DMRT3: variants seen among roughly 807,000 people sequenced by gnomAD.
The protein encoded by DMRT3 is doublesex and mab-3 related transcription factor 3.
In DMRT3, 29 loss-of-function variants were observed where a neutral mutation model predicts 34.9. The observed-to-expected ratio is 0.83, with a 90% CI of 0.62 to 1.13. The LOEUF (loss-of-function observed/expected upper bound fraction) is 1.13, where lower values mean the gene tolerates loss of function less well. DMRT3 is among the 50% of genes most tolerant of loss of function. The pLI is 0.00. For synonymous variants in DMRT3, 350 were observed against 286.0 expected (o/e 1.22, Z -2.26); for missense variants, 772 against 629.1 (o/e 1.23, Z -2.43).
intron 1 of DMRT3, among the ~76,000 whole-genome samples, chr9:981,418 C>G (rs565465110): frequency 2.6e-5 from 4 of 152,174 alleles, no homozygotes; most frequent in Admixed American, 1.3e-4. Flanking sequence ...TGAAGTGTAC[C>G]TGTGAATTGA....
chr9:985,328 C>T (rs566646564), intron 1 of DMRT3, among the ~76,000 whole-genome samples: 1 of 152,172 alleles, frequency 6.6e-6, no homozygotes, highest in Non-Finnish European at 1.5e-5. Flanking sequence ...TTGATATACA[C>T]TCTTAATGTT....
chr9:990,164 A>G lies in DMRT3; in HGVS notation c.578A>G (p.Glu193Gly), dbSNP rs1487345572. 6.2e-7 allele frequency: 1 copy of G among 1,614,010 alleles called. No individual in the cohort carries two copies. The highest frequency in any genetic ancestry group is 8.5e-7 in the Non-Finnish European group (1 of 1,180,038). Residue 193 changes from glutamate (E) to glycine (G), a missense_variant, in exon 2 of 2, where the codon GAG (glutamate) becomes GGG (glycine). Transcript: ENST00000190165. The part of the protein sequence containing the change: ...VAKSKGCFTP[E>G]SPEIVSVEEG... ...AAGAGTAAGGGCTGCTTCACCCCTG[A>G]GAGCCCTGAGATAGTGTCCGTGGAG...
chr9:986,775 C>T (rs950881774), intron 1 of DMRT3, among the ~76,000 whole-genome samples: 8 of 151,522 alleles, frequency 5.3e-5, no homozygotes, highest in African/African-American at 1.9e-4. Flanking sequence ...CCTGTAGTCC[C>T]AGCTATTCGG....
Position 976,932 on chromosome 9 carries a change from A to G in DMRT3, c.-70A>G. 7.3e-6 allele frequency: 10 copies of G among 1,371,802 alleles called. No homozygotes were observed. Among genetic ancestry groups the G allele is most frequent in the Non-Finnish European group, 9.4e-6 (10 of 1,059,468 alleles). The allele number at this position is 1,371,802 out of a possible 1,614,324, so 85.0% of individuals were successfully genotyped here. A position where few individuals can be genotyped will look rare whatever the true frequency, so the allele number is the denominator to read the frequency against. ...GAGGCCGCCCCTGAGCGGGCCTCGC[A>G]GCCCCGCCGTCCAGCGCTCCCTGGC... On this transcript the variant is annotated 5_prime_UTR_variant, in exon 1 of 2. Coordinates refer to ENST00000190165, the MANE Select transcript of DMRT3 (RefSeq NM_021240.4). This position sits in a 1 kb window ranked among gnomAD's most constrained non-coding sequence, Gnocchi z 4.5.
rs1030661193 is a variant in DMRT3, at chr9:976,818, A to C, written c.-184A>C. On this transcript the variant is annotated 5_prime_UTR_variant, in exon 1 of 2. Coordinates refer to ENST00000190165, the MANE Select transcript of DMRT3 (RefSeq NM_021240.4). This position sits in a 1 kb window ranked among gnomAD's most constrained non-coding sequence, Gnocchi z 4.5. ...CTGGGAGGCCGAGCTGTGAGCGCGA[A>C]GGGAGCTGGAGAGACGACTGCGGCA... The C allele has an allele frequency of 8.3e-6, 4 of 480,880 alleles. No homozygotes were observed. The highest frequency in any genetic ancestry group is 1.3e-5 in the Non-Finnish European group (4 of 300,466). 29.8% of individuals were successfully genotyped at this position (480,880 alleles called of 1,614,324 possible).
intron 1 of DMRT3, among the ~76,000 whole-genome samples, chr9:978,270 G>C (rs1205467521): frequency 6.6e-6 from 1 of 152,128 alleles, no homozygotes; most frequent in Non-Finnish European, 1.5e-5. Context: ...TTTCCATCCA[G>C]GCCTCCTGAG....
chr9:977,100 C>T lies in DMRT3; in HGVS notation c.99C>T (p.Arg33=), dbSNP rs904673608. Residue 33 remains arginine, a synonymous_variant, in exon 1 of 2, where the codon CGC becomes CGT. Coordinates refer to ENST00000190165, the MANE Select transcript of DMRT3 (RefSeq NM_021240.4). The part of the protein sequence containing the change: ...LQRTPKCARC[R]NHGVLSWLKG... ...GCACGCCCAAGTGCGCGCGCTGCCGCAACCATGGCGTCCTGTCCTGGCTCA... is the reference window on the plus strand; with the variant it reads ...GCACGCCCAAGTGCGCGCGCTGCCGTAACCATGGCGTCCTGTCCTGGCTCA... 1 of 1,606,428 alleles carries T rather than the reference C, an allele frequency of 6.2e-7. No individual in the cohort carries two copies. The highest frequency in any genetic ancestry group is 1.3e-5 in the African/African-American group (1 of 74,642).
chr9:986,259 A>G (rs942113479), intron 1 of DMRT3, among the ~76,000 whole-genome samples: 1 of 152,130 alleles, frequency 6.6e-6, no homozygotes, highest in African/African-American at 2.4e-5. Context: ...CAAGAGTGGA[A>G]TTTTATATTG....
chr9:977,082 C>A lies in DMRT3; in HGVS notation c.81C>A (p.Pro27=). 1.3e-6 allele frequency: 2 copies of A among 1,596,396 alleles called. No homozygotes were observed. Among genetic ancestry groups the A allele is most frequent in the East Asian group, 2.3e-5 (1 of 43,606 alleles). Residue 27 remains proline, a synonymous_variant, in exon 1 of 2, where the codon CCC becomes CCA. Coordinates refer to ENST00000190165, the MANE Select transcript of DMRT3 (RefSeq NM_021240.4). ...CACGGGCGCCCCTGCAGCGCACGCC[C>A]AAGTGCGCGCGCTGCCGCAACCATG... The part of the protein sequence containing the change: ...QPPRAPLQRT[P]KCARCRNHGV...
intron 1 of DMRT3, among the ~76,000 whole-genome samples, chr9:981,373 G>T (rs549103543): frequency 6.6e-6 from 1 of 152,254 alleles, no homozygotes; most frequent in South Asian, 2.1e-4. Context: ...TGGCTAGGAA[G>T]AAAAGAAAAG....
chr9:988,205 A>G (rs1820308682), intron 1 of DMRT3, among the ~76,000 whole-genome samples: 1 of 152,232 alleles, frequency 6.6e-6, no homozygotes, highest in Non-Finnish European at 1.5e-5. Flanking sequence ...AGATGGCTTC[A>G]TATGTATGTG....
At position 984,087 on chromosome 9, in the gene DMRT3, C is replaced by T. The variant is rs541971830; in HGVS notation, c.455-5954C>T. ...GATGAAGGTAAGAGAAAATGTGAAG[C>T]GTTTGTCTACGATTAGAATTCTGAT... On this transcript the variant is annotated intron_variant, in intron 1 of 1. Transcript: ENST00000190165. 9.2e-5 allele frequency among the ~76,000 whole-genome samples: 14 copies of T among 152,156 alleles called. 1 individual carries two copies. The highest frequency in any genetic ancestry group is 3.4e-3 in the Middle Eastern group (1 of 294).
At chr9:987,412 C>CTGTGTGTGTGTGTGTGTG in intron 1 of DMRT3, among the ~76,000 whole-genome samples, 1 of 149,616 alleles carries the variant, frequency 6.7e-6, no homozygotes, top group South Asian at 2.1e-4. Context: ...TAATATCCCA[C>CTGTGTGTGTGTGTGTGTG]TGTGTGTGTG....
intron 1 of DMRT3, among the ~76,000 whole-genome samples, chr9:978,480 T>A (rs1473633119): frequency 6.6e-6 from 1 of 151,956 alleles, no homozygotes; most frequent in East Asian, 1.9e-4. Context: ...GAATTAGGAG[T>A]GGGAAGGTCC....
At position 990,115 on chromosome 9, in the gene DMRT3, C is replaced by T. The variant is rs1296402111; in HGVS notation, c.529C>T (p.Gln177Ter). ...GGTCTTCAGTGACAAAGACACTGAC[C>T]AGAGGAGTTCCCCAGATGTGGCAAA... ...TEVFSDKDTD[Q>*]RSSPDVAKSK... The change falls in exon 2 of 2, where the codon CAG (glutamine) becomes TAG (stop). Residue 177 changes from glutamine (Q) to a stop codon, truncating the protein, a stop_gained. Coordinates refer to ENST00000190165, the MANE Select transcript of DMRT3 (RefSeq NM_021240.4). LOFTEE classifies it high-confidence loss of function. 2 of 1,613,984 alleles carry T rather than the reference C, an allele frequency of 1.2e-6. No homozygotes were observed. The highest frequency in any genetic ancestry group is 3.3e-5 in the Admixed American group (2 of 60,018).
In DMRT3 at chr9:976,968, A is replaced by G; in HGVS notation, c.-34A>G. 6.9e-7 allele frequency: 1 copy of G among 1,439,040 alleles called. No homozygotes were observed. Among genetic ancestry groups the G allele is most frequent in the Non-Finnish European group, 9.1e-7 (1 of 1,093,774 alleles). 89.1% of individuals were successfully genotyped at this position (1,439,040 alleles called of 1,614,324 possible). ...CCAGCGCTCCCTGGCCCTCTCCCGC[A>G]GCCAGGCTGCCAACTCATTCGGGAG... On this transcript the variant is annotated 5_prime_UTR_variant, in exon 1 of 2. Coordinates refer to ENST00000190165, the MANE Select transcript of DMRT3 (RefSeq NM_021240.4). The surrounding 1 kb of genome is among the most constrained non-coding windows in gnomAD (Gnocchi z 4.5).
At chr9:988,218 G>A (rs914748252) in intron 1 of DMRT3, among the ~76,000 whole-genome samples, 1 of 152,102 alleles carries the variant, frequency 6.6e-6, no homozygotes, top group Admixed American at 6.6e-5. Context: ...TGTATGTGAC[G>A]CAAATGAACC....
At position 990,399 on chromosome 9, in the gene DMRT3, C is replaced by A. The variant is rs911400043; in HGVS notation, c.813C>A (p.Leu271=). The change falls in exon 2 of 2, where the codon CTC becomes CTA. Residue 271 remains leucine (L), a synonymous_variant. Transcript: ENST00000190165. The stretch of plus-strand genomic sequence containing the variant: ...AGCCAACGGTGCTTGAGCTCATCCT[C>A]AAGGGCTGTGGCGGGGACCTGGTGA... ...NQKPTVLELI[L]KGCGGDLVSA... 1 of 1,613,986 alleles carries A rather than the reference C, an allele frequency of 6.2e-7. No homozygotes were observed. Among genetic ancestry groups the A allele is most frequent in the African/African-American group, 1.3e-5 (1 of 74,906 alleles).
chr9:990,573 T>G lies in DMRT3; in HGVS notation c.987T>G (p.Ser329=), dbSNP rs1586687134. The change falls in exon 2 of 2, where the codon TCT becomes TCG. Residue 329 remains serine (S), a synonymous_variant. Transcript: ENST00000190165. ...SSYPISSSKW[S]VGSAFRVPDT... The stretch of plus-strand genomic sequence containing the variant: ...ACCCCATCTCGTCTTCCAAATGGTC[T>G]GTGGGATCAGCCTTTCGAGTCCCAG... 1 of 1,614,140 alleles carries G rather than the reference T, an allele frequency of 6.2e-7. No individual in the cohort carries two copies. Among genetic ancestry groups the G allele is most frequent in the Non-Finnish European group, 8.5e-7 (1 of 1,180,028 alleles).
Sources: gnomAD v4.1 joint callset for allele counts (sites outside exome capture counted in the v4.1 genomes callset) on GRCh38, gnomAD v4.1.1 for gene constraint, Gnocchi (gnomAD v3.1) non-coding constraint, MANE v1.5 for transcripts, NCBI Gene and HGNC (gene_info 2026-07-23, HGNC 2026-07-21) for gene names.